DOCK3: variants seen among roughly 807,000 people sequenced by gnomAD.
DOCK3 encodes the protein dedicator of cytokinesis protein 3.
Under a neutral mutation model 265.6 loss-of-function variants are expected in DOCK3, and 60 were observed. The ratio of observed to expected loss-of-function variants is 0.23; its 90% CI spans 0.18 to 0.28. The LOEUF is 0.28. DOCK3 is among the 10% of genes least tolerant of loss of function. The pLI is 1.00. For synonymous variants in DOCK3, 881 were observed against 938.0 expected (o/e 0.94, Z 1.11); for missense variants, 1,981 against 2,594.3 (o/e 0.76, Z 5.14).
chr3:51,031,071 C>T (rs1461839880), intron 5 of DOCK3, among the ~76,000 whole-genome samples: 2 of 152,156 alleles, frequency 1.3e-5, no homozygotes, highest in South Asian at 2.1e-4. Context: ...GAACTTTGGG[C>T]GGCTGGAAAC....
chr3:50,744,642 C>G (rs949076758), intron 1 of DOCK3, among the ~76,000 whole-genome samples: 3 of 152,114 alleles, frequency 2.0e-5, no homozygotes, highest in Non-Finnish European at 4.4e-5. Flanking sequence ...GGCACGTCAC[C>G]CAGGCTGGTC....
chr3:51,109,398 C>T (rs551177236), intron 9 of DOCK3, among the ~76,000 whole-genome samples: 10 of 152,060 alleles, frequency 6.6e-5, no homozygotes, highest in Non-Finnish European at 1.0e-4. Context: ...CTTTATTGCA[C>T]TAAACACTCA....
intron 46 of DOCK3, 149 bp downstream of exon 46, chr3:51,358,226 AG>A (rs1401152466): frequency 2.8e-6 from 2 of 705,922 alleles, no homozygotes; most frequent in South Asian, 1.8e-5. Flanking sequence ...ACAGAGGGAC[AG>A]GGGGCAAGGA....
At chr3:51,176,249 G>A (rs1576324270) in intron 12 of DOCK3, among the ~76,000 whole-genome samples, 2 of 152,258 alleles carry the variant, frequency 1.3e-5, no homozygotes, top group South Asian at 4.2e-4. Context: ...TTCTGCCGTA[G>A]GATTGGAAAA....
intron 5 of DOCK3, among the ~76,000 whole-genome samples, chr3:50,971,151 A>C (rs1225496225): frequency 6.6e-6 from 1 of 150,754 alleles, no homozygotes; most frequent in African/African-American, 2.4e-5. Flanking sequence ...ATTTAAAATC[A>C]GTTTTGAAAT....
At chr3:50,930,063 A>G (rs1358782405) in intron 4 of DOCK3, among the ~76,000 whole-genome samples, 1 of 152,208 alleles carries the variant, frequency 6.6e-6, no homozygotes, top group Non-Finnish European at 1.5e-5. Context: ...CTTAGCTAGG[A>G]AGTGAGGAAA....
intron 2 of DOCK3, among the ~76,000 whole-genome samples, chr3:50,801,355 T>C (rs1302099270): frequency 6.6e-6 from 1 of 151,890 alleles, no homozygotes; most frequent in Non-Finnish European, 1.5e-5. Context: ...GCAGAGCAGG[T>C]AATTGGAATG....
chr3:51,331,208 G>A lies in DOCK3; in HGVS notation c.3488+985G>A, dbSNP rs939536476. 2.6e-5 allele frequency among the ~76,000 whole-genome samples: 4 copies of A among 152,122 alleles called. No homozygotes were observed. The South Asian group carries it at 6.2e-4, about 24-fold the overall frequency. Reference sequence around the variant, plus strand: ...GGGCCCAGATCTTCTAATTTAAAAAGGGGGGAGTCTCCCCTATACTATGCC... The same window carrying A: ...GGGCCCAGATCTTCTAATTTAAAAAAGGGGGAGTCTCCCCTATACTATGCC... On this transcript the variant is annotated intron_variant, in intron 33 of 52. Transcript: ENST00000266037.
In DOCK3 at chr3:51,296,139, A is replaced by G. The variant is rs560962258; in HGVS notation, c.2923-14093A>G. Among the ~76,000 whole-genome samples the G allele has an allele frequency of 1.2e-4, 19 of 152,372 alleles. No homozygotes were observed. The East Asian group carries it at 3.1e-3, about 25-fold the overall frequency. ...ACAAACAAGTTCAAGATTTCAGGAC[A>G]TAAGATCAATATCCAAAAATCTATA... is the stretch of plus-strand genomic sequence containing the variant. On this transcript the variant is annotated intron_variant, in intron 27 of 52. Coordinates refer to ENST00000266037, the MANE Select transcript of DOCK3 (RefSeq NM_004947.5).
Position 51,360,710 on chromosome 3 carries a change from A to G in DOCK3, c.5006+78A>G, listed in dbSNP as rs2086670761. On this transcript the variant is annotated intron_variant, in intron 47 of 52. Transcript: ENST00000266037. ...TCAAGGGTCAGAGGAAAGAGTCCTC[A>G]TGTATACTCATATTCCCTCTTACCC... 8 of 1,573,678 alleles carry G rather than the reference A, an allele frequency of 5.1e-6. No individual in the cohort carries two copies. In the Admixed American group the frequency reaches 5.4e-5, roughly 11 times the overall value.
intron 2 of DOCK3, among the ~76,000 whole-genome samples, chr3:50,818,362 G>T (rs949877087): frequency 1.3e-5 from 2 of 152,154 alleles, no homozygotes; most frequent in African/African-American, 4.8e-5. Flanking sequence ...TCTGCATGTG[G>T]GCTTAGATTT....
chr3:50,973,913 G>GT (rs1183373025), intron 5 of DOCK3, among the ~76,000 whole-genome samples: 3 of 139,364 alleles, frequency 2.2e-5, no homozygotes, highest in African/African-American at 8.1e-5. Context: ...TTTTTCATGT[G>GT]TTTTTTGGCT....
intron 5 of DOCK3, among the ~76,000 whole-genome samples, chr3:50,974,702 T>C (rs1363843026): frequency 3.2e-5 from 3 of 92,354 alleles, no homozygotes; most frequent in South Asian, 4.9e-4. Context: ...TTGATGGGGA[T>C]GGCATTGAAT....
At chr3:51,312,367 G>A in intron 29 of DOCK3, 109 bp from the exon 30 acceptor site, 5 of 1,046,730 alleles carry the variant, frequency 4.8e-6, no homozygotes, top group Non-Finnish European at 7.0e-6. Context: ...AAAAAATGAG[G>A]ATCTTAAGAT....
At position 51,359,748 on chromosome 3, in the gene DOCK3, T is replaced by C. The variant is rs1233137530; in HGVS notation, c.4885-763T>C. ...AAATACATTTTAGCCCTCTGTATGC[T>C]TTGGAAGAAGCAGGTGGAAAACCCG... On this transcript the variant is annotated intron_variant, in intron 46 of 52. Coordinates refer to ENST00000266037, the MANE Select transcript of DOCK3 (RefSeq NM_004947.5). This position sits in a 1 kb window ranked among gnomAD's most constrained non-coding sequence, Gnocchi z 4.8. 6.6e-6 allele frequency among the ~76,000 whole-genome samples: 1 copy of C among 152,228 alleles called. No homozygotes were observed. The highest frequency in any genetic ancestry group is 1.5e-5 in the Non-Finnish European group (1 of 68,046).
intron 2 of DOCK3, among the ~76,000 whole-genome samples, chr3:50,806,401 A>G (rs144938053): frequency 6.6e-6 from 1 of 151,644 alleles, no homozygotes; most frequent in East Asian, 2.0e-4. Context: ...GGAGCATAGG[A>G]CCTTTGGGTA....
At chr3:50,723,270 G>A (rs1355848728) in intron 1 of DOCK3, among the ~76,000 whole-genome samples, 1 of 152,184 alleles carries the variant, frequency 6.6e-6, no homozygotes, top group African/African-American at 2.4e-5. Flanking sequence ...TGACAGTAAA[G>A]CTAAAGAGAC....
chr3:50,870,704 ATCT>A (rs1200694058), intron 3 of DOCK3, among the ~76,000 whole-genome samples: 1 of 150,412 alleles, frequency 6.6e-6, no homozygotes, highest in Non-Finnish European at 1.5e-5. Flanking sequence ...TTTCCATTCT[ATCT>A]TCTTTTTTGT....
At chr3:50,916,004 A>G (rs1047687056) in intron 4 of DOCK3, among the ~76,000 whole-genome samples, 3 of 151,956 alleles carry the variant, frequency 2.0e-5, no homozygotes, top group African/African-American at 7.3e-5. Flanking sequence ...CGATGAAGGA[A>G]TGCCATGTCT....
Sources: gnomAD v4.1 joint callset for allele counts (sites outside exome capture counted in the v4.1 genomes callset) on GRCh38, gnomAD v4.1.1 for gene constraint, Gnocchi (gnomAD v3.1) non-coding constraint, MANE v1.5 for transcripts, NCBI Gene and HGNC (gene_info 2026-07-23, HGNC 2026-07-21) for gene names.